SAMD12: variants seen among roughly 807,000 people sequenced by gnomAD.
SAMD12 encodes the protein sterile alpha motif domain-containing protein 12.
In SAMD12, 9 loss-of-function variants were observed where a neutral mutation model predicts 15.0. The observed-to-expected ratio is 0.60, with a 90% CI of 0.36 to 1.05. The LOEUF (loss-of-function observed/expected upper bound fraction) is 1.05, where lower values mean the gene tolerates loss of function less well. Ranked by LOEUF, SAMD12 falls within the 50% of genes least tolerant of loss-of-function variation. SAMD12 has a pLI of 0.01. For synonymous variants in SAMD12, 86 were observed against 90.1 expected, an observed-to-expected ratio of 0.96 and a Z score of 0.25; for missense variants, 230 against 234.2, an observed-to-expected ratio of 0.98 and a Z score of 0.12.
At chr8:118,136,627 C>A in the SAMD12 span, among the ~76,000 whole-genome samples, 2 of 152,150 alleles carry the variant, frequency 1.3e-5, no homozygotes, top group Admixed American at 6.6e-5. Flanking sequence ...GGCAAGTTTC[C>A]TTTAACCTTT....
chr8:118,562,099 G>T (rs994937055), intron 2 of SAMD12, among the ~76,000 whole-genome samples: 3 of 152,174 alleles, frequency 2.0e-5, no homozygotes, highest in African/African-American at 7.2e-5. Flanking sequence ...CTTGACTGCC[G>T]TCTAATACCA....
chr8:118,467,422 G>A (rs1218268732), intron 2 of SAMD12, among the ~76,000 whole-genome samples: 2 of 152,120 alleles, frequency 1.3e-5, no homozygotes, highest in African/African-American at 4.8e-5. Context: ...TTACATGAAT[G>A]TTTATTTTTA....
chr8:118,278,906 C>G (rs955415479), intron 4 of SAMD12, among the ~76,000 whole-genome samples: 1 of 152,122 alleles, frequency 6.6e-6, no homozygotes, highest in Admixed American at 6.6e-5. Flanking sequence ...TTGTCATACT[C>G]GAGGTGATAA....
intron 1 of SAMD12, among the ~76,000 whole-genome samples, chr8:118,581,556 G>A (rs1827297251): frequency 6.6e-6 from 1 of 152,178 alleles, no homozygotes; most frequent in Non-Finnish European, 1.5e-5. Context: ...CAAGCCCAGT[G>A]GCTTCCAGTT....
intron 4 of SAMD12, among the ~76,000 whole-genome samples, chr8:118,357,513 G>A (rs576558307): frequency 6.6e-6 from 1 of 152,284 alleles, no homozygotes; most frequent in African/African-American, 2.4e-5. Flanking sequence ...TTATAGGTGT[G>A]AGCCACTGTG....
chr8:118,314,548 C>T (rs1317259760), intron 4 of SAMD12, among the ~76,000 whole-genome samples: 1 of 152,200 alleles, frequency 6.6e-6, no homozygotes, highest in Non-Finnish European at 1.5e-5. Context: ...ATCCATCCCT[C>T]ACTCACCATC....
At chr8:118,493,981 C>T (rs1002636670) in intron 2 of SAMD12, among the ~76,000 whole-genome samples, 1 of 152,182 alleles carries the variant, frequency 6.6e-6, no homozygotes, top group Non-Finnish European at 1.5e-5. Flanking sequence ...CAACTACTCA[C>T]AATAAAGCTT....
At chr8:118,347,022 A>T (rs764132471) in intron 4 of SAMD12, among the ~76,000 whole-genome samples, 4 of 152,288 alleles carry the variant, frequency 2.6e-5, no homozygotes, top group Middle Eastern at 6.8e-3. Context: ...CTCCTGCCTT[A>T]GTACCCCTTT....
chr8:118,381,208 G>A (rs1819653205), intron 3 of SAMD12, among the ~76,000 whole-genome samples: 1 of 152,186 alleles, frequency 6.6e-6, no homozygotes, highest in Non-Finnish European at 1.5e-5. Flanking sequence ...GAGAGGAAGT[G>A]AGTTCTTGGA....
At chr8:118,530,974 A>G (rs1394012761) in intron 2 of SAMD12, among the ~76,000 whole-genome samples, 1 of 152,284 alleles carries the variant, frequency 6.6e-6, no homozygotes, top group East Asian at 1.9e-4. Context: ...CCAAGTAGCT[A>G]GGGCTACAGG....
intron 4 of SAMD12, among the ~76,000 whole-genome samples, chr8:118,200,568 G>A (rs755332219): frequency 6.6e-6 from 1 of 152,154 alleles, no homozygotes; most frequent in Non-Finnish European, 1.5e-5. Flanking sequence ...CATAATGAGT[G>A]GGGCATTGGG....
At chr8:118,191,017 C>A (rs532482383) in exon 5 of SAMD12, 1 of 152,138 alleles carries the variant, frequency 6.6e-6, no homozygotes, top group Admixed American at 6.5e-5. Flanking sequence ...TTGTGCAAAG[C>A]TATTTAATTT....
chr8:118,278,022 A>C (rs1488267630), intron 4 of SAMD12, among the ~76,000 whole-genome samples: 1 of 152,234 alleles, frequency 6.6e-6, no homozygotes, highest in East Asian at 1.9e-4. Context: ...AGCAAACTCC[A>C]GAAAGGGTCC....
At chr8:118,165,353 C>A in the SAMD12 span, among the ~76,000 whole-genome samples, 1 of 151,912 alleles carries the variant, frequency 6.6e-6, no homozygotes, top group Non-Finnish European at 1.5e-5. Context: ...GGTATGGAGA[C>A]AGGGATGCGG....
chr8:118,480,014 C>T (rs1824080242), intron 2 of SAMD12, among the ~76,000 whole-genome samples: 2 of 152,182 alleles, frequency 1.3e-5, no homozygotes, highest in Admixed American at 6.5e-5. Context: ...ATCTAAATAA[C>T]ATCAAAAGCT....
At chr8:118,347,403 C>T (rs1817719113) in intron 4 of SAMD12, among the ~76,000 whole-genome samples, 1 of 152,212 alleles carries the variant, frequency 6.6e-6, no homozygotes, top group African/African-American at 2.4e-5. Flanking sequence ...GTTTTCTAGA[C>T]ACCAGCAGGG....
chr8:118,138,477 C>A, the SAMD12 span, among the ~76,000 whole-genome samples: 1 of 152,206 alleles, frequency 6.6e-6, no homozygotes, highest in African/African-American at 2.4e-5. Context: ...TCACCACTCC[C>A]ACCATGTGAG....
chr8:118,135,939 T>A, the SAMD12 span, among the ~76,000 whole-genome samples: 1 of 152,166 alleles, frequency 6.6e-6, no homozygotes, highest in Non-Finnish European at 1.5e-5. Flanking sequence ...AACATCCTCA[T>A]CCTTCCTTCC....
At chr8:118,559,370 A>C (rs1030709466) in intron 2 of SAMD12, among the ~76,000 whole-genome samples, 1 of 152,200 alleles carries the variant, frequency 6.6e-6, no homozygotes, top group Non-Finnish European at 1.5e-5. Context: ...CCCACCTCCA[A>C]CCACAAATGA....
Sources: gnomAD v4.1 joint callset for allele counts (sites outside exome capture counted in the v4.1 genomes callset) on GRCh38, gnomAD v4.1.1 for gene constraint, MANE v1.5 for transcripts, NCBI Gene and HGNC (gene_info 2026-07-23, HGNC 2026-07-21) for gene names.